The following EVI2B variants were observed in gnomAD, a reference collection of about 807,000 sequenced individuals.
The protein encoded by EVI2B is protein EVI2B.
A neutral mutation model predicts 6.6 loss-of-function variants in EVI2B; 4 were observed. The observed-to-expected ratio is 0.61, with a 90% CI of 0.30 to 1.39. The LOEUF (loss-of-function observed/expected upper bound fraction) is 1.39, where lower values mean the gene tolerates loss of function less well. Ranked by LOEUF, EVI2B falls within the 40% of genes most tolerant of loss-of-function variation. The probability of loss-of-function intolerance (pLI) is 0.08; values close to 1 mark genes in which losing one functional copy is unlikely to be tolerated. For missense variants in EVI2B, 484 were observed against 516.6 expected (o/e 0.94, Z 0.61); for synonymous variants, 181 against 186.8 (o/e 0.97, Z 0.25).
At chr17:31,308,157 G>T (rs867418410) in intron 1 of EVI2B, among the ~76,000 whole-genome samples, 46 of 142,522 alleles carry the variant, frequency 3.2e-4, no homozygotes, top group African/African-American at 9.4e-4. Flanking sequence ...TTTTTTTTTT[G>T]GAGACAGAGT....
chr17:31,306,848 T>G (rs955766133), intron 1 of EVI2B, among the ~76,000 whole-genome samples: 1 of 150,414 alleles, frequency 6.6e-6, no homozygotes. Flanking sequence ...CAGATTCTAG[T>G]GATAGAAGCA....
rs998114370 is a variant in EVI2B, at chr17:31,304,438, A to G, written c.1172T>C (p.Ile391Thr). The G allele has an allele frequency of 5.0e-6, 8 of 1,614,056 alleles. No individual in the cohort carries two copies. The highest frequency in any genetic ancestry group is 6.8e-6 in the Non-Finnish European group (8 of 1,180,028). ...NQDCGDHKSEIIQSFPPLDSL... is the reference protein window; with the variant it reads ...NQDCGDHKSETIQSFPPLDSL... ...GTCAAGCGGTGGAAATGATTGTATT[A>G]TCTCAGATTTATGATCTCCACAGTC... Residue 391 changes from isoleucine (I) to threonine (T), a missense_variant, in exon 2 of 2, where the codon ATA (isoleucine) becomes ACA (threonine). By Grantham distance (89) the Ile-to-Thr change is moderately conservative. Coordinates refer to ENST00000330927, the MANE Select transcript of EVI2B (RefSeq NM_006495.4).
At position 31,307,885 on chromosome 17, in the gene EVI2B, A is replaced by G; in HGVS notation, c.-21-2255T>C. 4.7e-6 allele frequency: 6 copies of G among 1,289,096 alleles called. No homozygotes were observed. The South Asian group carries it at 4.9e-5, about 11-fold the overall frequency. 79.9% of individuals were successfully genotyped at this position (1,289,096 alleles called of 1,614,324 possible). A position where few individuals can be genotyped will look rare whatever the true frequency, so the allele number is the denominator to read the frequency against. On this transcript the variant is annotated intron_variant, in intron 1 of 1. Transcript: ENST00000330927. ...AGGTGCAATAAAGGTTTTACAAATT[A>G]CCTTTTCAGCATATCTAAACAGCAT...
rs2068658353 is a variant in EVI2B, at chr17:31,304,622, C to T, written c.988G>A (p.Val330Ile). ...AGATCTGCATCATCTGAAGAAGAAA[C>T]AGCAGTTCCAACTGTTGAACCATCA... ...SADGSTVGTA[V>I]SSSDDADLPP... Residue 330 changes from valine (V) to isoleucine (I), a missense_variant, in exon 2 of 2, where the codon GTT becomes ATT. Transcript: ENST00000330927. 3 of 1,614,162 alleles carry T rather than the reference C, an allele frequency of 1.9e-6. No homozygotes were observed. In the Middle Eastern group the frequency reaches 4.9e-4, roughly 266 times the overall value.
At position 31,304,554 on chromosome 17, in the gene EVI2B, A is replaced by G. The variant is rs972489809; in HGVS notation, c.1056T>C (p.Ser352=). The change falls in exon 2 of 2, where the codon AGT becomes AGC. Residue 352 remains serine, a synonymous_variant. Coordinates refer to ENST00000330927, the MANE Select transcript of EVI2B (RefSeq NM_006495.4). ...PPLLDLEGQE[S]NQSDKPTMTI... ...TCATTGTGGGTTTGTCAGATTGGTT[A>G]CTTTCCTGTCCTTCCAAATCCAGAA... The G allele has an allele frequency of 1.9e-6, 3 of 1,614,074 alleles. No homozygotes were observed. Among genetic ancestry groups the G allele is most frequent in the Non-Finnish European group, 2.5e-6 (3 of 1,180,030 alleles).
intron 1 of EVI2B, chr17:31,307,766 ATCTT>A: frequency 1.7e-6 from 1 of 588,532 alleles, no homozygotes; most frequent in Non-Finnish European, 2.7e-6. Flanking sequence ...GGAATAGAAA[ATCTT>A]AGGGTGTTAG....
chr17:31,305,068 G>T lies in EVI2B; in HGVS notation c.542C>A (p.Thr181Lys). Residue 181 changes from threonine (T) to lysine (K), a missense_variant, in exon 2 of 2, where the codon ACA becomes AAA. By Grantham distance (78) the Thr-to-Lys change is moderately conservative. Coordinates refer to ENST00000330927, the MANE Select transcript of EVI2B (RefSeq NM_006495.4). ...GGTAGTATCTAAGATAAATCCTGGT[G>T]TACTCCTAGGTGAATTTTTGACAGT... is the stretch of plus-strand genomic sequence containing the variant. ...TSTVKNSPRS[T>K]PGFILDTTSN... 1 of 1,614,162 alleles carries T rather than the reference G, an allele frequency of 6.2e-7. No individual in the cohort carries two copies. The highest frequency in any genetic ancestry group is 1.1e-5 in the South Asian group (1 of 91,084).
chr17:31,305,066 G>C lies in EVI2B; in HGVS notation c.544C>G (p.Pro182Ala), dbSNP rs2068676004. The C allele has an allele frequency of 1.2e-6, 2 of 1,614,010 alleles. No homozygotes were observed. The highest frequency in any genetic ancestry group is 2.2e-5 in the South Asian group (2 of 91,082). The change falls in exon 2 of 2, where the codon CCA (proline) becomes GCA (alanine). Residue 182 changes from proline to alanine, a missense_variant. Coordinates refer to ENST00000330927, the MANE Select transcript of EVI2B (RefSeq NM_006495.4). ...CTGGTAGTATCTAAGATAAATCCTG[G>C]TGTACTCCTAGGTGAATTTTTGACA... The part of the protein sequence containing the change: ...STVKNSPRST[P>A]GFILDTTSNK...
At position 31,304,502 on chromosome 17, in the gene EVI2B, A is replaced by C; in HGVS notation, c.1108T>G (p.Ser370Ala). ...MTIVSPLPND[S>A]TSLPPSLDCL... is the part of the protein sequence containing the mutation. ...TCCAGAGATGGAGGGAGACTAGTAG[A>C]ATCATTTGGAAGAGGAGATACAATT... Residue 370 changes from serine to alanine, a missense_variant, in exon 2 of 2, where the codon TCT (serine) becomes GCT (alanine). Transcript: ENST00000330927. The C allele has an allele frequency of 6.2e-7, 1 of 1,614,180 alleles. No individual in the cohort carries two copies.
At position 31,304,255 on chromosome 17, in the gene EVI2B, TG is replaced by T. The variant is rs747689945; in HGVS notation, c.*7del. ...ATGGAAGATCAGCTAAAAAGCAAGT[TG>T]TAATATTTATAACAGTTCTGCAGGT... is the stretch of plus-strand genomic sequence containing the variant. On this transcript the variant is annotated 3_prime_UTR_variant, in exon 2 of 2. Coordinates refer to ENST00000330927, the MANE Select transcript of EVI2B (RefSeq NM_006495.4). The T allele has an allele frequency of 4.4e-6, 7 of 1,573,812 alleles. No homozygotes were observed. The Admixed American group carries it at 1.3e-4, about 30-fold the overall frequency.
rs566803471 is a variant in EVI2B at position 31,305,420 on chromosome 17, C to T, written c.190G>A (p.Asp64Asn). The T allele has an allele frequency of 3.9e-5, 63 of 1,614,070 alleles. No individual in the cohort carries two copies. The South Asian group carries it at 4.3e-4, about 11-fold the overall frequency. ...GATATTGATTGTCCAGAAAAAGTGT[C>T]GCTGAATTGTGTTGGTTGACCCAAA... ...NPLGQPTQFS[D>N]TFSGQSISPA... The change falls in exon 2 of 2, where the codon GAC (aspartate) becomes AAC (asparagine). Residue 64 changes from aspartate to asparagine, a missense_variant. By Grantham distance (23) the Asp-to-Asn change is conservative (BLOSUM62 1). Transcript: ENST00000330927.
Position 31,305,105 on chromosome 17 carries a change from G to A in EVI2B, c.505C>T (p.Gln169Ter). 6.2e-7 allele frequency: 1 copy of A among 1,614,180 alleles called. No homozygotes were observed. Among genetic ancestry groups the A allele is most frequent in the Non-Finnish European group, 8.5e-7 (1 of 1,180,044 alleles). Residue 169 changes from glutamine to a stop codon, truncating the protein, a stop_gained, in exon 2 of 2, where the codon CAA becomes TAA. Coordinates refer to ENST00000330927, the MANE Select transcript of EVI2B (RefSeq NM_006495.4). LOFTEE classifies it low-confidence loss of function (END_TRUNC). ...KQITVHNPSTQPTSTVKNSPR... is the reference protein window; with the variant it reads ...KQITVHNPST ...GAATTTTTGACAGTTGATGTTGGTT[G>A]TGTGGATGGATTATGAACAGTTATT...
At chr17:31,307,368 A>G (rs1021515789) in intron 1 of EVI2B, among the ~76,000 whole-genome samples, 21 of 152,226 alleles carry the variant, frequency 1.4e-4, no homozygotes, top group African/African-American at 5.1e-4. Context: ...CAGGAGATGT[A>G]CAGAGAAGTT....
intron 1 of EVI2B, among the ~76,000 whole-genome samples, chr17:31,309,944 C>T (rs2068824015): frequency 1.3e-5 from 2 of 152,152 alleles, no homozygotes; most frequent in Non-Finnish European, 1.5e-5. Flanking sequence ...TCTGCCACAT[C>T]AGAGTACTAG....
chr17:31,310,701 C>T (rs942916544), intron 1 of EVI2B, among the ~76,000 whole-genome samples: 7 of 152,010 alleles, frequency 4.6e-5, no homozygotes, highest in Admixed American at 2.0e-4. Flanking sequence ...CCCATGTACC[C>T]GTGTACGTTT....
chr17:31,305,920 T>G (rs1302120587), intron 1 of EVI2B, among the ~76,000 whole-genome samples: 1 of 152,202 alleles, frequency 6.6e-6, no homozygotes, highest in Admixed American at 6.5e-5. Flanking sequence ...CCCCTCTAGC[T>G]TCATTATATT....
Position 31,304,407 on chromosome 17 carries a change from A to C in EVI2B, c.1203T>G (p.Leu401=). Residue 401 remains leucine, a synonymous_variant, in exon 2 of 2, where the codon CTT becomes CTG. Transcript: ENST00000330927. ...IIQSFPPLDS[L]NLPLPPVDFM... ...AATCTACTGGTGGCAGGGGCAAGTT[A>C]AGTGAGTCAAGCGGTGGAAATGATT... The C allele has an allele frequency of 6.2e-7, 1 of 1,614,186 alleles. No homozygotes were observed. The highest frequency in any genetic ancestry group is 8.5e-7 in the Non-Finnish European group (1 of 1,180,020).
rs200921973 is a variant in EVI2B at position 31,305,562 on chromosome 17, G to A, written c.48C>T (p.Asn16=). 1.2e-6 allele frequency: 2 copies of A among 1,613,752 alleles called. No homozygotes were observed. The highest frequency in any genetic ancestry group is 1.1e-5 in the South Asian group (1 of 91,026). ...TCTCTGTCTTTGAAAAAAATGTATT[G>A]TTCAGGTGTCCACAAAACAAAATTA... is the stretch of plus-strand genomic sequence containing the variant. ...FILILFCGHL[N]NTFFSKTETI... The change falls in exon 2 of 2, where the codon AAC becomes AAT. Residue 16 remains asparagine (N), a synonymous_variant. Coordinates refer to ENST00000330927, the MANE Select transcript of EVI2B (RefSeq NM_006495.4).
intron 1 of EVI2B, among the ~76,000 whole-genome samples, chr17:31,310,054 A>G (rs2068827179): frequency 6.6e-6 from 1 of 152,136 alleles, no homozygotes; most frequent in African/African-American, 2.4e-5. Context: ...AGTGGAAAAA[A>G]CTGACTTTTT....
Sources: gnomAD v4.1 joint callset for allele counts (sites outside exome capture counted in the v4.1 genomes callset) on GRCh38, gnomAD v4.1.1 for gene constraint, MANE v1.5 for transcripts, NCBI Gene and HGNC (gene_info 2026-07-23, HGNC 2026-07-21) for gene names.